MAP4K4: variants seen among roughly 807,000 people sequenced by gnomAD.
MAP4K4 encodes HPK/GCK-like kinase HGK.
MAP4K4 carries 38 observed loss-of-function variants against 189.6 expected under a neutral mutation model. The ratio of observed to expected loss-of-function variants is 0.20; its 90% CI spans 0.15 to 0.26. The LOEUF is 0.26. MAP4K4 is among the 10% of genes least tolerant of loss of function. The pLI is 1.00. For missense variants in MAP4K4, 1,054 were observed against 1,726.9 expected, an observed-to-expected ratio of 0.61 and a Z score of 6.91; for synonymous variants, 610 against 624.3, an observed-to-expected ratio of 0.98 and a Z score of 0.34.
chr2:101,891,987 T>TAAAAAAAA (rs60620198), exon 33 of MAP4K4: 1 of 59,818 alleles, frequency 1.7e-5, no homozygotes, highest in Non-Finnish European at 2.8e-5. Flanking sequence ...CAGATGGTTC[T>TAAAAAAAA]AAAAAAAAAA....
intron 2 of MAP4K4, among the ~76,000 whole-genome samples, chr2:101,714,883 A>G (rs898741750): frequency 2.0e-5 from 3 of 152,216 alleles, no homozygotes; most frequent in Non-Finnish European, 4.4e-5. Context: ...ATAGTTAAAA[A>G]AACCAGCTTA....
At chr2:101,875,338 T>C (rs1049651757) in intron 26 of MAP4K4, among the ~76,000 whole-genome samples, 3 of 152,156 alleles carry the variant, frequency 2.0e-5, no homozygotes, top group Non-Finnish European at 2.9e-5. Flanking sequence ...ATTTTTCTTA[T>C]ACTGATAATC....
chr2:101,828,815 C>T (rs1401567934), intron 5 of MAP4K4, among the ~76,000 whole-genome samples: 1 of 152,150 alleles, frequency 6.6e-6, no homozygotes, highest in Non-Finnish European at 1.5e-5. Context: ...GTCTCTTGGA[C>T]CATATTTGGA....
At chr2:101,712,177 C>T (rs1243264413) in intron 2 of MAP4K4, among the ~76,000 whole-genome samples, 1 of 151,746 alleles carries the variant, frequency 6.6e-6, no homozygotes, top group African/African-American at 2.4e-5. Flanking sequence ...GTATACATTT[C>T]ACTTTTATTT....
At chr2:101,872,877 C>T (rs1312448452) in intron 24 of MAP4K4, among the ~76,000 whole-genome samples, 2 of 152,218 alleles carry the variant, frequency 1.3e-5, no homozygotes, top group Non-Finnish European at 2.9e-5. Flanking sequence ...ATATTTTAAA[C>T]TTTGCTCCAT....
chr2:101,874,880 GAA>G (rs1214663299), intron 26 of MAP4K4, among the ~76,000 whole-genome samples: 1 of 152,152 alleles, frequency 6.6e-6, no homozygotes, highest in Non-Finnish European at 1.5e-5. Context: ...TTTGTGTTTT[GAA>G]AAGAGTCTTC....
At chr2:101,803,245 A>ATGTGTGTG (rs6146862) in intron 3 of MAP4K4, among the ~76,000 whole-genome samples, 16,960 of 150,246 alleles carry the variant, frequency 0.11, 1,059 homozygotes, top group Non-Finnish European at 0.15. Context: ...GATGATGATG[A>ATGTGTGTG]TGTGTGTGTG....
intron 2 of MAP4K4, among the ~76,000 whole-genome samples, chr2:101,747,090 G>A (rs1056679399): frequency 6.6e-6 from 1 of 152,060 alleles, no homozygotes; most frequent in African/African-American, 2.4e-5. Context: ...CTTCTCCTGT[G>A]ACTGCTTTTG....
At chr2:101,890,802 C>T (rs1322336772) in intron 32 of MAP4K4, among the ~76,000 whole-genome samples, 1 of 151,840 alleles carries the variant, frequency 6.6e-6, no homozygotes, top group Non-Finnish European at 1.5e-5. Context: ...GCTCTGTTGC[C>T]CAGGCTGGAA....
chr2:101,766,020 A>G (rs1037264634), intron 2 of MAP4K4, among the ~76,000 whole-genome samples: 3 of 152,186 alleles, frequency 2.0e-5, no homozygotes, highest in Admixed American at 6.5e-5. Flanking sequence ...ATTCGGAGAC[A>G]TGGGTGGATG....
intron 2 of MAP4K4, among the ~76,000 whole-genome samples, chr2:101,703,020 G>T (rs2039902355): frequency 6.6e-6 from 1 of 152,142 alleles, no homozygotes; most frequent in Non-Finnish European, 1.5e-5. Flanking sequence ...TTTCAAGGAG[G>T]TATTATTTGG....
At chr2:101,741,749 C>T (rs574738247) in intron 2 of MAP4K4, among the ~76,000 whole-genome samples, 1 of 152,266 alleles carries the variant, frequency 6.6e-6, no homozygotes, top group South Asian at 2.1e-4. Context: ...GGCTTTGGGC[C>T]AGCAGGCCCT....
At chr2:101,726,680 C>G (rs2055552546) in intron 2 of MAP4K4, among the ~76,000 whole-genome samples, 2 of 152,072 alleles carry the variant, frequency 1.3e-5, no homozygotes, top group Admixed American at 6.5e-5. Context: ...CCTTAATGGA[C>G]AGGAGTATAG....
At chr2:101,828,111 T>C (rs1450185931) in intron 5 of MAP4K4, among the ~76,000 whole-genome samples, 2 of 152,196 alleles carry the variant, frequency 1.3e-5, no homozygotes, top group Non-Finnish European at 2.9e-5. Context: ...AGTGATCCTG[T>C]AGCAGTATAG....
intron 6 of MAP4K4, among the ~76,000 whole-genome samples, chr2:101,831,307 C>T (rs1005828128): frequency 5.9e-5 from 9 of 152,078 alleles, no homozygotes; most frequent in Non-Finnish European, 1.2e-4. Context: ...AAATTCTTAT[C>T]TTTATGGTTA....
At chr2:101,817,015 T>C (rs927097976) in intron 3 of MAP4K4, among the ~76,000 whole-genome samples, 9 of 149,822 alleles carry the variant, frequency 6.0e-5, no homozygotes, top group East Asian at 2.0e-4. Context: ...TTTTTTTTTT[T>C]CCAAATTAGG....
At chr2:101,888,616 A>G (rs951422583) in intron 31 of MAP4K4, among the ~76,000 whole-genome samples, 180 bp from the exon 32 acceptor site, 2 of 152,230 alleles carry the variant, frequency 1.3e-5, no homozygotes, top group African/African-American at 2.4e-5. Flanking sequence ...ACTTCACAGG[A>G]TAGGCAAGGT....
chr2:101,888,974 CT>C lies in MAP4K4; in HGVS notation c.4071+43del, dbSNP rs756279840. 54 of 1,538,112 alleles carry C rather than the reference CT, an allele frequency of 3.5e-5. No homozygotes were observed. In the Admixed American group the frequency reaches 9.9e-4, roughly 28 times the overall value. On this transcript the variant is annotated intron_variant, in intron 32 of 32. Transcript: ENST00000324219. Reference sequence around the variant, plus strand: ...TATGGATTCTTTTTAGTTGCTCTATCTTTTAATAATGGCTTGTTTTCCATGG... The same window carrying C: ...TATGGATTCTTTTTAGTTGCTCTATCTTTAATAATGGCTTGTTTTCCATGG...
intron 27 of MAP4K4, 28 bp from the exon 28 acceptor site, chr2:101,882,523 T>C (rs755024511): frequency 1.1e-5 from 17 of 1,528,812 alleles, no homozygotes; most frequent in Non-Finnish European, 1.3e-5. Context: ...TGGATATGCA[T>C]GTAAAATATT....
Sources: allele counts gnomAD v4.1 joint callset (sites outside exome capture counted in the v4.1 genomes callset), GRCh38; gene constraint gnomAD v4.1.1; transcripts MANE v1.5; gene names NCBI Gene and HGNC (gene_info 2026-07-23, HGNC 2026-07-21).